Variants in MAP3K7CL observed in about 807,000 individuals in gnomAD.
The protein encoded by MAP3K7CL is MAP3K7 C-terminal like.
In MAP3K7CL, 16 loss-of-function variants were observed where a neutral mutation model predicts 18.6. That is an observed-to-expected ratio of 0.86 (90% CI 0.58 to 1.31). The LOEUF (loss-of-function observed/expected upper bound fraction) is 1.31. Ranked by LOEUF, MAP3K7CL falls within the 50% of genes most tolerant of loss-of-function variation. The pLI is 0.00. For missense variants in MAP3K7CL, 163 were observed against 174.4 expected, an observed-to-expected ratio of 0.93 and a Z score of 0.37; for synonymous variants, 65 against 66.8, an observed-to-expected ratio of 0.97 and a Z score of 0.13.
At chr21:29,120,315 G>T (rs2086571189) in intron 4 of MAP3K7CL, among the ~76,000 whole-genome samples, 1 of 152,092 alleles carries the variant, frequency 6.6e-6, no homozygotes, top group African/African-American at 2.4e-5. Flanking sequence ...GGCAATTTGA[G>T]CCATATACCA....
Position 29,092,504 on chromosome 21 carries a change from T to A in MAP3K7CL, c.293T>A (p.Leu98Ter), listed in dbSNP as rs768181199. ...GAGGACAATCCAAAGGTCAGCAAGT[T>A]GGCTACTGGCGATTGGATGCTCACT... Residue 98 changes from leucine to a stop codon, truncating the protein, a stop_gained, in exon 4 of 7, where the codon TTG (leucine) becomes TAG (stop). Coordinates refer to the MAP3K7CL transcript ENST00000286791. LOFTEE classifies it high-confidence loss of function. The A allele has an allele frequency of 5.0e-6, 8 of 1,614,120 alleles. No homozygotes were observed. Among genetic ancestry groups the A allele is most frequent in the African/African-American group, 1.3e-5 (1 of 74,936 alleles).
intron 4 of MAP3K7CL, among the ~76,000 whole-genome samples, chr21:29,100,700 CTTTTTTTTTTT>C (rs34749282): frequency 2.9e-5 from 2 of 68,690 alleles, no homozygotes; most frequent in South Asian, 7.8e-4. Context: ...AAACAGCAAA[CTTTTTTTTTTT>C]TTTTTTTTTT....
intron 4 of MAP3K7CL, chr21:29,102,643 T>C (rs1268827976): frequency 6.6e-6 from 1 of 152,130 alleles, no homozygotes; most frequent in African/African-American, 2.4e-5. Flanking sequence ...TATGACCTTC[T>C]TGTTTTCATC....
At chr21:29,164,659 T>C (rs1261651630) in intron 4 of MAP3K7CL, among the ~76,000 whole-genome samples, 1 of 152,216 alleles carries the variant, frequency 6.6e-6, no homozygotes, top group East Asian at 1.9e-4. Context: ...TTTTCTAGGA[T>C]TATAAACTCA....
chr21:29,125,114 C>T (rs2086661223), intron 4 of MAP3K7CL, among the ~76,000 whole-genome samples: 1 of 152,068 alleles, frequency 6.6e-6, no homozygotes, highest in Non-Finnish European at 1.5e-5. Flanking sequence ...GTTTTTGCCC[C>T]CTTGAAAAAA....
At chr21:29,171,495 A>C (rs981624396) in intron 4 of MAP3K7CL, among the ~76,000 whole-genome samples, 2 of 152,150 alleles carry the variant, frequency 1.3e-5, no homozygotes, top group Non-Finnish European at 2.9e-5. Flanking sequence ...ATAGTTTCAA[A>C]CTTAGAGAAA....
intron 4 of MAP3K7CL, among the ~76,000 whole-genome samples, chr21:29,163,956 C>T (rs905203095): frequency 6.6e-6 from 1 of 151,864 alleles, no homozygotes; most frequent in Admixed American, 6.6e-5. Flanking sequence ...CGTCAGCCGC[C>T]CAAAGTGCTG....
chr21:29,154,504 G>A (rs1471904587), intron 3 of MAP3K7CL, among the ~76,000 whole-genome samples: 1 of 151,968 alleles, frequency 6.6e-6, no homozygotes, highest in Non-Finnish European at 1.5e-5. Context: ...TGAACTAACA[G>A]AGTCTGATAA....
chr21:29,109,822 A>G lies in MAP3K7CL; in HGVS notation c.370+17241A>G, dbSNP rs552134329. On this transcript the variant is annotated intron_variant, in intron 4 of 6. Coordinates refer to the MAP3K7CL transcript ENST00000286791. ...CGTTCTGCTGCTGCTTCTTATATATATACATAGTGTAGACTCCCAGGAGTG... is the reference window on the plus strand; with the variant it reads ...CGTTCTGCTGCTGCTTCTTATATATGTACATAGTGTAGACTCCCAGGAGTG... 6.3e-5 allele frequency: 62 copies of G among 981,496 alleles called. 1 individual carries two copies. The South Asian group carries it at 2.5e-3, about 40-fold the overall frequency. 60.8% of individuals were successfully genotyped at this position (981,496 alleles called of 1,614,324 possible).
At chr21:29,142,489 C>T (rs2087031826) in intron 2 of MAP3K7CL, among the ~76,000 whole-genome samples, 1 of 152,152 alleles carries the variant, frequency 6.6e-6, no homozygotes, top group African/African-American at 2.4e-5. Context: ...AGTCATTGAC[C>T]TTAACCCTGT....
upstream of MAP3K7CL, among the ~76,000 whole-genome samples, chr21:29,126,059 G>A (rs1280506179): frequency 6.6e-6 from 1 of 152,252 alleles, no homozygotes; most frequent in Non-Finnish European, 1.5e-5. Context: ...TGGGGATGGA[G>A]TTGGGAAGAA....
chr21:29,127,215 A>G (rs2086695880), upstream of MAP3K7CL, among the ~76,000 whole-genome samples: 1 of 152,260 alleles, frequency 6.6e-6, no homozygotes, highest in African/African-American at 2.4e-5. Context: ...TCTAGAGCTC[A>G]GTATGTGAAA....
At chr21:29,155,288 CAA>C (rs1269456139) in intron 3 of MAP3K7CL, among the ~76,000 whole-genome samples, 5 of 152,158 alleles carry the variant, frequency 3.3e-5, no homozygotes, top group African/African-American at 4.8e-5. Flanking sequence ...GGAATAAATA[CAA>C]AGAGTGCTCA....
At chr21:29,174,123 T>A (rs2087908979) in intron 4 of MAP3K7CL, among the ~76,000 whole-genome samples, 1 of 152,210 alleles carries the variant, frequency 6.6e-6, no homozygotes, top group Admixed American at 6.5e-5. Context: ...CTTCCTCAAT[T>A]CTGGAGTCAC....
At chr21:29,083,642 T>C (rs904782951), upstream of MAP3K7CL, among the ~76,000 whole-genome samples, 1 of 152,216 alleles carries the variant, frequency 6.6e-6, no homozygotes, top group Non-Finnish European at 1.5e-5. Flanking sequence ...TAGAGCCAAA[T>C]GTGTAGCCCA....
At chr21:29,123,999 A>G (rs948715814) in intron 4 of MAP3K7CL, among the ~76,000 whole-genome samples, 1 of 152,214 alleles carries the variant, frequency 6.6e-6, no homozygotes, top group African/African-American at 2.4e-5. Flanking sequence ...TTTCTCATAC[A>G]GTCAAAAATA....
rs147904933 is a variant in MAP3K7CL at position 29,111,338 on chromosome 21, T to C, written c.370+18757T>C. Among the ~76,000 whole-genome samples, 807 of 152,278 alleles carry C rather than the reference T, an allele frequency of 5.3e-3. 7 individuals carry two copies. The highest frequency in any genetic ancestry group is 0.019 in the African/African-American group (770 of 41,566). ...TCTCATCATCCTTAGTTGTCTGCTC[T>C]TATTTAACAGTGGGGAGCTAAGAGG... On this transcript the variant is annotated intron_variant, in intron 4 of 6. Transcript: ENST00000286791.
At chr21:29,160,120 T>G in intron 4 of MAP3K7CL, 64 bp downstream of exon 4, 1 of 1,277,012 alleles carries the variant, frequency 7.8e-7, no homozygotes, top group Admixed American at 1.8e-5. Flanking sequence ...CCAGGGGCAA[T>G]GGGCAGGGGA....
intron 2 of MAP3K7CL, among the ~76,000 whole-genome samples, chr21:29,138,354 T>G (rs891326879): frequency 6.6e-6 from 1 of 152,198 alleles, no homozygotes; most frequent in Non-Finnish European, 1.5e-5. Context: ...CGAAACTTCC[T>G]AAACTGGAAA....
Sources: gnomAD v4.1 joint callset for allele counts (sites outside exome capture counted in the v4.1 genomes callset) on GRCh38, gnomAD v4.1.1 for gene constraint, MANE v1.5 for transcripts, NCBI Gene and HGNC (gene_info 2026-07-23, HGNC 2026-07-21) for gene names.